TNC: variants seen among roughly 807,000 people sequenced by gnomAD.
TNC encodes the protein tenascin C.
In TNC, 109 loss-of-function variants were observed where a neutral mutation model predicts 202.4. The observed-to-expected ratio is 0.54, with a 90% CI of 0.46 to 0.63. TNC has a LOEUF of 0.63. TNC is among the 30% of genes least tolerant of loss of function. TNC has a pLI of 0.00. For missense variants in TNC, 2,756 were observed against 2,833.3 expected (o/e 0.97, Z 0.62); for synonymous variants, 1,007 against 1,089.7 (o/e 0.92, Z 1.50).
chr9:115,066,263 G>A (rs1367834386), intron 10 of TNC, among the ~76,000 whole-genome samples: 1 of 152,162 alleles, frequency 6.6e-6, no homozygotes, highest in Non-Finnish European at 1.5e-5. Context: ...ATTTGCCCAG[G>A]GCTGAGCTTA....
chr9:115,084,609 T>C, intron 3 of TNC, 137 bp from the exon 4 acceptor site: 1 of 1,046,382 alleles, frequency 9.6e-7, no homozygotes, highest in Non-Finnish European at 1.4e-6. Context: ...GCAGATGGCA[T>C]CAGGGACCCC....
rs771654132 is a variant in TNC at position 115,038,271 on chromosome 9, T to A, written c.5502A>T (p.Thr1834=). ...ATVDSYVISY[T]GEKVPEITRT... ...TGGACAAAACCTTACCTTTCTCGCC[T>A]GTGTAGGAGATGACATAACTGTCCA... Residue 1834 remains threonine, a synonymous_variant, in exon 20 of 28, where the codon ACA becomes ACT. Transcript: ENST00000350763. 6.2e-7 allele frequency: 1 copy of A among 1,613,858 alleles called. No homozygotes were observed. Among genetic ancestry groups the A allele is most frequent in the East Asian group, 2.2e-5 (1 of 44,874 alleles).
intron 1 of TNC, among the ~76,000 whole-genome samples, chr9:115,095,102 C>T (rs1171728421): frequency 2.0e-5 from 3 of 151,914 alleles, no homozygotes; most frequent in African/African-American, 4.8e-5. Context: ...ACTTCCTGTT[C>T]CTTGTGCAAG....
intron 1 of TNC, among the ~76,000 whole-genome samples, chr9:115,101,275 G>A (rs573843052): frequency 2.0e-5 from 3 of 152,214 alleles, no homozygotes; most frequent in East Asian, 1.9e-4. Flanking sequence ...GCAGTGGTGC[G>A]ATCTCAGCTC....
rs184949765 is a variant in TNC at position 115,027,206 on chromosome 9, C to T, written c.6170-511G>A. On this transcript the variant is annotated intron_variant, in intron 25 of 27. Coordinates refer to ENST00000350763, the MANE Select transcript of TNC (RefSeq NM_002160.4). ...GAGTAATACTAGGCTCAGGTAAAAT[C>T]GGGTTGACATTTTTGCCCCACTTCC... is the stretch of plus-strand genomic sequence containing the variant. 2.4e-4 allele frequency among the ~76,000 whole-genome samples: 36 copies of T among 151,984 alleles called. No homozygotes were observed. In the East Asian group the frequency reaches 6.0e-3, roughly 25 times the overall value.
chr9:115,041,591 G>T (rs957377468), intron 18 of TNC, among the ~76,000 whole-genome samples: 1 of 152,154 alleles, frequency 6.6e-6, no homozygotes, highest in Non-Finnish European at 1.5e-5. Context: ...AGAATTTGGG[G>T]GCTAGTGAAG....
In TNC at chr9:115,020,424, C is replaced by T. The variant is rs193256493; in HGVS notation, c.*733G>A. On this transcript the variant is annotated 3_prime_UTR_variant, in exon 28 of 28. Transcript: ENST00000350763. ...TCTTTAGTCTCCTTTCCACCCCTCC[C>T]ACTTGACCACTATCCCTACTTACCT... The T allele has an allele frequency of 7.0e-5, 12 of 171,660 alleles. No individual in the cohort carries two copies. Among genetic ancestry groups the T allele is most frequent in the African/African-American group, 2.9e-4 (12 of 41,858 alleles). The allele number at this position is 171,660 out of a possible 1,614,324, so 10.6% of individuals were successfully genotyped here.
intron 13 of TNC, among the ~76,000 whole-genome samples, chr9:115,061,107 G>C (rs556849897): frequency 6.6e-6 from 1 of 152,288 alleles, no homozygotes; most frequent in Admixed American, 6.5e-5. Flanking sequence ...CTGTTTTGAA[G>C]GCTGAAGTGG....
At chr9:115,040,369 A>G (rs996516815) in intron 19 of TNC, among the ~76,000 whole-genome samples, 2 of 152,214 alleles carry the variant, frequency 1.3e-5, no homozygotes, top group African/African-American at 2.4e-5. Flanking sequence ...CACCAAATAG[A>G]GAGGAGCTGT....
Position 115,048,485 on chromosome 9 carries a change from A to T in TNC, c.4627T>A (p.Tyr1543Asn). The T allele has an allele frequency of 6.2e-7, 1 of 1,614,000 alleles. No individual in the cohort carries two copies. Among genetic ancestry groups the T allele is most frequent in the Non-Finnish European group, 8.5e-7 (1 of 1,179,944 alleles). The change falls in exon 16 of 28, where the codon TAC becomes AAC. Residue 1543 changes from tyrosine (Y) to asparagine (N), a missense_variant. Tyr to Asn is a moderately radical substitution (Grantham distance 143). Transcript: ENST00000350763. ...ENLTISDINP[Y>N]GFTVSWMASE... ...GCCATCCAGGAAACTGTGAACCCGT[A>T]GGGATTAATGTCGGAAATGGTTAGG...
At chr9:115,037,639 T>C (rs2131854701) in intron 20 of TNC, among the ~76,000 whole-genome samples, 1 of 152,330 alleles carries the variant, frequency 6.6e-6, no homozygotes, top group South Asian at 2.1e-4. Flanking sequence ...GCAGCTCTCC[T>C]GCCTCAGCCT....
chr9:115,100,557 T>C (rs944589551), intron 1 of TNC, among the ~76,000 whole-genome samples: 1 of 152,236 alleles, frequency 6.6e-6, no homozygotes. Flanking sequence ...AAGCTGATAT[T>C]AAAATCCAGA....
Position 115,081,687 on chromosome 9 carries a change from A to G in TNC, c.2404+85T>C, listed in dbSNP as rs1219888408. On this transcript the variant is annotated intron_variant, in intron 6 of 27. Coordinates refer to ENST00000350763, the MANE Select transcript of TNC (RefSeq NM_002160.4). ...GCAAAAGTTAAATGATGTAGATGCTATATGAGAAGGCACTTTCTCAACCAG... is the reference window on the plus strand; with the variant it reads ...GCAAAAGTTAAATGATGTAGATGCTGTATGAGAAGGCACTTTCTCAACCAG... 1.4e-5 allele frequency: 20 copies of G among 1,441,816 alleles called. No individual in the cohort carries two copies. The East Asian group carries it at 3.9e-4, about 28-fold the overall frequency. The allele number at this position is 1,441,816 out of a possible 1,614,324, so 89.3% of individuals were successfully genotyped here.
intron 4 of TNC, among the ~76,000 whole-genome samples, chr9:115,083,946 A>G (rs1221982132): frequency 6.6e-6 from 1 of 152,198 alleles, no homozygotes. Context: ...GCTTACAACA[A>G]AGTCTGATAC....
rs921095129 is a variant in TNC, at chr9:115,063,012, A to G, written c.3938T>C (p.Ile1313Thr). The change falls in exon 13 of 28, where the codon ATC becomes ACC. Residue 1313 changes from isoleucine to threonine, a missense_variant. Transcript: ENST00000350763. ...TVPGSLRSME[I>T]PGLRAGTPYT... ...AGGAGTGCCAGCCCTGAGGCCTGGG[A>G]TTTCCATGGAACGCAGGCTGCCAGG... 9 of 1,613,910 alleles carry G rather than the reference A, an allele frequency of 5.6e-6. No homozygotes were observed. The African/African-American group carries it at 1.1e-4, about 19-fold the overall frequency.
chr9:115,100,519 C>T (rs1192167478), intron 1 of TNC, among the ~76,000 whole-genome samples: 1 of 152,156 alleles, frequency 6.6e-6, no homozygotes. Flanking sequence ...ACTAGCTAAT[C>T]AGTGGTGACT....
intron 10 of TNC, among the ~76,000 whole-genome samples, chr9:115,066,428 G>A (rs1832957724): frequency 6.6e-6 from 1 of 152,140 alleles, no homozygotes; most frequent in South Asian, 2.1e-4. Flanking sequence ...AGCCTTATGT[G>A]TCCATTAGAG....
chr9:115,086,395 G>T lies in TNC; in HGVS notation c.1336C>A (p.Arg446=), dbSNP rs771736820. 6.2e-7 allele frequency: 1 copy of T among 1,613,992 alleles called. No homozygotes were observed. Among genetic ancestry groups the T allele is most frequent in the Non-Finnish European group, 8.5e-7 (1 of 1,179,962 alleles). ...CATTTGCCCTCGACACAGCGGCCCC[G>T]ACTGTGACAGTCATTGGGGCACCGT... is the stretch of plus-strand genomic sequence containing the variant. ...QLRCPNDCHS[R]GRCVEGKCVC... The change falls in exon 3 of 28, where the codon CGG becomes AGG. Residue 446 remains arginine (R), a synonymous_variant. Coordinates refer to ENST00000350763, the MANE Select transcript of TNC (RefSeq NM_002160.4).
intron 2 of TNC, among the ~76,000 whole-genome samples, chr9:115,089,373 A>C (rs1317606119): frequency 1.2e-4 from 18 of 152,260 alleles, no homozygotes; most frequent in African/African-American, 3.9e-4. Context: ...AGATAAAGAC[A>C]TAATTCCAAA....
Sources: gnomAD v4.1 joint callset for allele counts (sites outside exome capture counted in the v4.1 genomes callset) on GRCh38, gnomAD v4.1.1 for gene constraint, MANE v1.5 for transcripts, NCBI Gene and HGNC (gene_info 2026-07-23, HGNC 2026-07-21) for gene names.